Variants in ARHGEF10 observed in about 807,000 individuals in gnomAD.
ARHGEF10 encodes Rho guanine nucleotide exchange factor 10, also known as Rho guanine nucleotide exchange factor (GEF) 10.
A neutral mutation model predicts 147.4 loss-of-function variants in ARHGEF10; 140 were observed. That is an observed-to-expected ratio of 0.95 (90% confidence interval 0.83 to 1.09). The LOEUF (loss-of-function observed/expected upper bound fraction) is 1.09, where lower values mean the gene tolerates loss of function less well. Among genes scored for constraint, ARHGEF10 ranks in the 50% least tolerant of loss-of-function variants. ARHGEF10 has a pLI of 0.00. For missense variants in ARHGEF10, 2,222 were observed against 1,752.7 expected (o/e 1.27, Z -4.78); for synonymous variants, 902 against 695.8 (o/e 1.30, Z -4.67).
chr8:1,833,894 C>T (rs1243230635), intron 1 of ARHGEF10, among the ~76,000 whole-genome samples: 3 of 152,198 alleles, frequency 2.0e-5, no homozygotes, highest in African/African-American at 7.2e-5. Flanking sequence ...CCCAAGTGTA[C>T]GGCACACAGC....
chr8:1,901,187 G>C (rs1379931751), intron 15 of ARHGEF10, among the ~76,000 whole-genome samples: 1 of 152,116 alleles, frequency 6.6e-6, no homozygotes, highest in Non-Finnish European at 1.5e-5. Context: ...ACAGGCTGCA[G>C]AGAGTCAGCA....
chr8:1,952,919 C>A, intron 28 of ARHGEF10, 92 bp downstream of exon 28: 1 of 1,546,392 alleles, frequency 6.5e-7, no homozygotes, highest in Non-Finnish European at 8.9e-7. Flanking sequence ...TCCTAGGATT[C>A]TTTAAACAAT....
Position 1,923,581 on chromosome 8 carries a change from C to G in ARHGEF10, c.2373C>G (p.Pro791=), listed in dbSNP as rs773841009. 6.2e-7 allele frequency: 1 copy of G among 1,614,032 alleles called. No individual in the cohort carries two copies. The highest frequency in any genetic ancestry group is 8.5e-7 in the Non-Finnish European group (1 of 1,180,038). The part of the protein sequence containing the change: ...ADCCRIQLQL[P]GKQDKSGRPT... The stretch of plus-strand genomic sequence containing the variant: ...GCTGCAGAATTCAGTTACAGCTTCC[C>G]GGGAAGCAGGACAAGTTAGTAGTAG... The change falls in exon 20 of 29, where the codon CCC becomes CCG. Residue 791 remains proline, a synonymous_variant. Coordinates refer to ENST00000349830, the MANE Select transcript of ARHGEF10 (RefSeq NM_014629.4).
At chr8:1,953,588 G>A (rs2129290884) in intron 28 of ARHGEF10, among the ~76,000 whole-genome samples, 1 of 151,910 alleles carries the variant, frequency 6.6e-6, no homozygotes, top group East Asian at 1.9e-4. Flanking sequence ...GCCTAAGCTA[G>A]GAACAAAGTA....
rs147287214 is a variant in ARHGEF10, at chr8:1,946,974, AAGG to A, written c.3397+1323_3397+1325del. Among the ~76,000 whole-genome samples the A allele has an allele frequency of 1.9e-4, 29 of 152,362 alleles. No individual in the cohort carries two copies. In the East Asian group the frequency reaches 4.2e-3, roughly 22 times the overall value. ...TACAGGAGATTTCTCTTAGTGAGAA[AAGG>A]AGGTTTATGTAACATGCAAGTTTAT... On this transcript the variant is annotated intron_variant, in intron 27 of 28. Coordinates refer to ENST00000349830, the MANE Select transcript of ARHGEF10 (RefSeq NM_014629.4).
At chr8:1,862,842 G>A (rs1288919506) in intron 4 of ARHGEF10, among the ~76,000 whole-genome samples, 1 of 148,572 alleles carries the variant, frequency 6.7e-6, no homozygotes, top group Non-Finnish European at 1.5e-5. Flanking sequence ...ACAGTGGCGG[G>A]ATCTCGGCTC....
intron 2 of ARHGEF10, among the ~76,000 whole-genome samples, chr8:1,853,120 G>A (rs1326384080): frequency 6.6e-6 from 1 of 152,176 alleles, no homozygotes; most frequent in Non-Finnish European, 1.5e-5. Context: ...ATGCCTGTGG[G>A]TCGGCACGGG....
At chr8:1,903,612 C>A in intron 16 of ARHGEF10, 161 bp downstream of exon 16, 1 of 819,758 alleles carries the variant, frequency 1.2e-6, no homozygotes, top group Non-Finnish European at 1.9e-6. Flanking sequence ...AGAGTCACAC[C>A]AATGTGGAAA....
At position 1,907,724 on chromosome 8, in the gene ARHGEF10, C is replaced by G. The variant is rs78568293; in HGVS notation, c.1968-1571C>G. Among the ~76,000 whole-genome samples the G allele has an allele frequency of 4.8e-3, 730 of 152,296 alleles. 15 individuals carry two copies. Among genetic ancestry groups the G allele is most frequent in the Admixed American group, 0.034 (513 of 15,300 alleles). ...TAAAATAACGCCCCTGCCTTTCCCA[C>G]GATGCCAGGGCTTGAATTTCTTTTT... On this transcript the variant is annotated intron_variant, in intron 17 of 28. Coordinates refer to ENST00000349830, the MANE Select transcript of ARHGEF10 (RefSeq NM_014629.4).
chr8:1,843,305 A>G (rs748520362), intron 1 of ARHGEF10, 48 bp from the exon 2 acceptor site: 9 of 1,475,738 alleles, frequency 6.1e-6, no homozygotes, highest in Admixed American at 1.8e-5. Context: ...TATTGAGTGC[A>G]TGTTTATCCA....
intron 28 of ARHGEF10, among the ~76,000 whole-genome samples, chr8:1,956,364 G>A (rs777932422): frequency 3.3e-5 from 5 of 152,158 alleles, no homozygotes; most frequent in East Asian, 1.9e-4. Flanking sequence ...CATTTCAGGC[G>A]TTAATATTTC....
intron 21 of ARHGEF10, 105 bp downstream of exon 21, chr8:1,923,979 A>G (rs1812493062): frequency 6.6e-6 from 7 of 1,057,250 alleles, no homozygotes; most frequent in Non-Finnish European, 1.0e-5. Flanking sequence ...CAGTAGATCC[A>G]TGCATTGACC....
chr8:1,839,800 G>C (rs1303863148), intron 1 of ARHGEF10, among the ~76,000 whole-genome samples: 1 of 134,686 alleles, frequency 7.4e-6, no homozygotes, highest in African/African-American at 3.0e-5. Context: ...CTGGTGTGGG[G>C]ACTGTCTTGT....
At chr8:1,907,492 C>T (rs187152359) in intron 17 of ARHGEF10, among the ~76,000 whole-genome samples, 7 of 152,260 alleles carry the variant, frequency 4.6e-5, no homozygotes, top group Non-Finnish European at 7.4e-5. Flanking sequence ...GAGTCTTTTC[C>T]GCATTCATCA....
intron 26 of ARHGEF10, among the ~76,000 whole-genome samples, chr8:1,935,358 T>G (rs1352339576): frequency 6.6e-6 from 1 of 152,124 alleles, no homozygotes; most frequent in Non-Finnish European, 1.5e-5. Context: ...GCCGTGCTTC[T>G]GTGGGTTTGG....
At chr8:1,890,433 A>AG (rs1269344747) in intron 11 of ARHGEF10, among the ~76,000 whole-genome samples, 1 of 120,308 alleles carries the variant, frequency 8.3e-6, no homozygotes. Flanking sequence ...GAATGGGTTG[A>AG]GGTTGTGAGG....
In ARHGEF10 at chr8:1,841,844, TGGGG is replaced by T. The variant is rs1563161403; in HGVS notation, c.-47-1508_-47-1505del. On this transcript the variant is annotated intron_variant, in intron 1 of 28. Transcript: ENST00000349830. ...CGGGAACTGGGGCCGCGACGGGAAC[TGGGG>T]CCGCGGCGGGAACTGGGGCCGCGGC... is the stretch of plus-strand genomic sequence containing the variant. Among the ~76,000 whole-genome samples, 551 of 111,610 alleles carry T rather than the reference TGGGG, an allele frequency of 4.9e-3. 28 individuals are homozygous for T. The highest frequency in any genetic ancestry group is 0.016 in the African/African-American group (493 of 31,612). The allele number at this position is 111,610 out of a possible 152,430, so 73.2% of individuals were successfully genotyped here.
At chr8:1,944,202 C>T (rs1814363415) in intron 26 of ARHGEF10, among the ~76,000 whole-genome samples, 1 of 151,028 alleles carries the variant, frequency 6.6e-6, no homozygotes, top group African/African-American at 2.4e-5. Flanking sequence ...CTGGGGACCC[C>T]AGCCTCCTGC....
At chr8:1,889,786 A>AG (rs1809275320) in intron 11 of ARHGEF10, among the ~76,000 whole-genome samples, 1 of 132,702 alleles carries the variant, frequency 7.5e-6, no homozygotes, top group Non-Finnish European at 1.6e-5. Context: ...GAGTGGGGTG[A>AG]GGGTTGTGAG....
Sources: allele counts gnomAD v4.1 joint callset (sites outside exome capture counted in the v4.1 genomes callset), GRCh38; gene constraint gnomAD v4.1.1; transcripts MANE v1.5; gene names NCBI Gene and HGNC (gene_info 2026-07-23, HGNC 2026-07-21).